The following GRPEL2 variants were observed in gnomAD, a reference collection of about 807,000 sequenced individuals.
The protein encoded by GRPEL2 is GrpE like 2, mitochondrial.
A neutral mutation model predicts 25.9 loss-of-function variants in GRPEL2; 18 were observed. The ratio of observed to expected loss-of-function variants is 0.70; its 90% CI spans 0.48 to 1.03. The LOEUF is 1.03. GRPEL2 is among the 50% of genes least tolerant of loss of function. The pLI is 0.00. For missense variants in GRPEL2, 247 were observed against 276.2 expected (o/e 0.89, Z 0.75); for synonymous variants, 106 against 107.9 (o/e 0.98, Z 0.11).
At chr5:149,345,637 G>C in intron 1 of GRPEL2, 21 bp downstream of exon 1, 1 of 1,587,430 alleles carries the variant, frequency 6.3e-7, no homozygotes, top group Non-Finnish European at 8.6e-7. Flanking sequence ...CAGGCGGGGA[G>C]TCGGGAGCGT....
Position 149,345,584 on chromosome 5 carries a change from C to T in GRPEL2, c.45C>T (p.Arg15=), listed in dbSNP as rs1208644371. The part of the protein sequence containing the change: ...SLWAGRLRVQ[R]LLAWSAAWES... Reference sequence around the variant, plus strand: ...GGGCGGGCCGGCTGCGGGTGCAGCGCCTACTGGCCTGGAGTGCCGCGTGGG... The same window carrying T: ...GGGCGGGCCGGCTGCGGGTGCAGCGTCTACTGGCCTGGAGTGCCGCGTGGG... Residue 15 remains arginine (R), a synonymous_variant, in exon 1 of 4, where the codon CGC becomes CGT. Transcript: ENST00000329271. The T allele has an allele frequency of 1.2e-6, 2 of 1,611,676 alleles. No individual in the cohort carries two copies. Among genetic ancestry groups the T allele is most frequent in the African/African-American group, 1.3e-5 (1 of 74,922 alleles).
intron 3 of GRPEL2, chr5:149,349,967 C>T (rs1326758943): frequency 5.5e-6 from 3 of 548,894 alleles, no homozygotes; most frequent in Non-Finnish European, 9.6e-6. Flanking sequence ...TCACTTGAAC[C>T]CAGGAGGCAG....
intron 1 of GRPEL2, among the ~76,000 whole-genome samples, chr5:149,347,217 A>T (rs1223385854): frequency 6.6e-6 from 1 of 152,182 alleles, no homozygotes; most frequent in African/African-American, 2.4e-5. Context: ...AGTAGGAGAG[A>T]TAAAAGTCCT....
intron 1 of GRPEL2, chr5:149,345,873 T>C (rs1757680461): frequency 3.7e-6 from 2 of 538,840 alleles, no homozygotes; most frequent in Admixed American, 6.9e-5. Flanking sequence ...AGAAGTCTCT[T>C]AAGCCCCCAA....
At chr5:149,349,608 T>G in intron 2 of GRPEL2, 46 bp from the exon 3 acceptor site, 1 of 1,308,902 alleles carries the variant, frequency 7.6e-7, no homozygotes, top group Non-Finnish European at 1.1e-6. Context: ...CTTCCACCAA[T>G]AAGTATTTGT....
chr5:149,346,715 A>ATTTTTTTTTTTTTTTTTTTT, intron 1 of GRPEL2, among the ~76,000 whole-genome samples: 1 of 59,272 alleles, frequency 1.7e-5, no homozygotes, highest in Non-Finnish European at 2.9e-5. Context: ...GGCCCTGAGA[A>ATTTTTTTTTTTTTTTTTTTT]TTTTTTTTTT....
At chr5:149,349,591 A>G in intron 2 of GRPEL2, 63 bp from the exon 3 acceptor site, 1 of 1,203,852 alleles carries the variant, frequency 8.3e-7, no homozygotes, top group South Asian at 1.4e-5. Context: ...GTAAGCAAAA[A>G]CATTCTCTTC....
rs920222800 is a variant in GRPEL2 at position 149,353,480 on chromosome 5, G to A, written c.*2198G>A. ...ACCTAAAGAGATGTCTCTACCTAAT[G>A]AGCTCAAGTGATCCTCCCACCTCAG... On this transcript the variant is annotated 3_prime_UTR_variant, in exon 4 of 4. Coordinates refer to ENST00000329271, the MANE Select transcript of GRPEL2 (RefSeq NM_152407.4). 6.6e-6 allele frequency: 1 copy of A among 152,036 alleles called. No individual in the cohort carries two copies. Among genetic ancestry groups the A allele is most frequent in the Non-Finnish European group, 1.5e-5 (1 of 68,012 alleles). 9.4% of individuals were successfully genotyped at this position (152,036 alleles called of 1,614,324 possible). A position where few individuals can be genotyped will look rare whatever the true frequency, so the allele number is the denominator to read the frequency against.
At position 149,348,375 on chromosome 5, in the gene GRPEL2, G is replaced by A. The variant is rs143291336; in HGVS notation, c.181G>A (p.Ala61Thr). ...GCTTGGGCCCCCTCTTGCTGAACGA[G>A]CCTTAAGGGTAAAAGCTGTTAAACT... The part of the protein sequence containing the change: ...DELGPPLAER[A>T]LRVKAVKLEK... The change falls in exon 2 of 4, where the codon GCC becomes ACC. Residue 61 changes from alanine (A) to threonine (T), a missense_variant. Transcript: ENST00000329271. 1.7e-5 allele frequency: 28 copies of A among 1,613,558 alleles called. No homozygotes were observed. Among genetic ancestry groups the A allele is most frequent in the Middle Eastern group, 1.7e-4 (1 of 5,834 alleles).
rs772982005 is a variant in GRPEL2 at position 149,348,364 on chromosome 5, T to C, written c.170T>C (p.Leu57Pro). The C allele has an allele frequency of 3.0e-5, 48 of 1,613,526 alleles. No individual in the cohort carries two copies. In the Admixed American group the frequency reaches 3.5e-4, roughly 12 times the overall value. The change falls in exon 2 of 4, where the codon CTT becomes CCT. Residue 57 changes from leucine (L) to proline (P), a missense_variant. By Grantham distance (98) the Leu-to-Pro change is moderately conservative. Coordinates refer to ENST00000329271, the MANE Select transcript of GRPEL2 (RefSeq NM_152407.4). ...EDPPDELGPP[L>P]AERALRVKAV... is the part of the protein sequence containing the mutation. Reference sequence around the variant, plus strand: ...CCTCCTGATGAGCTTGGGCCCCCTCTTGCTGAACGAGCCTTAAGGGTAAAA... The same window carrying C: ...CCTCCTGATGAGCTTGGGCCCCCTCCTGCTGAACGAGCCTTAAGGGTAAAA...
At position 149,354,163 on chromosome 5, in the gene GRPEL2, A is replaced by G. The variant is rs1218901665; in HGVS notation, c.*2881A>G. On this transcript the variant is annotated 3_prime_UTR_variant, in exon 4 of 4. Coordinates refer to ENST00000329271, the MANE Select transcript of GRPEL2 (RefSeq NM_152407.4). ...ATTTTCCTTCCATTTTCTGGTTTTT[A>G]AAATTAGCCACACCACAGGAAACCC... is the stretch of plus-strand genomic sequence containing the variant. 2 of 152,210 alleles carry G rather than the reference A, an allele frequency of 1.3e-5. No homozygotes were observed. The highest frequency in any genetic ancestry group is 2.9e-5 in the Non-Finnish European group (2 of 68,038). The allele number at this position is 152,210 out of a possible 1,614,324, so 9.4% of individuals were successfully genotyped here.
Position 149,349,721 on chromosome 5 carries a change from A to T in GRPEL2, c.299A>T (p.Asp100Val). The change falls in exon 3 of 4, where the codon GAC (aspartate) becomes GTC (valine). Residue 100 changes from aspartate to valine, a missense_variant. Coordinates refer to ENST00000329271, the MANE Select transcript of GRPEL2 (RefSeq NM_152407.4). Reference sequence around the variant, plus strand: ...AGGCGAACCCAGAGATGTGTGGAAGACGCCAAGATATTTGGTGAGAGATTT... The same window carrying T: ...AGGCGAACCCAGAGATGTGTGGAAGTCGCCAAGATATTTGGTGAGAGATTT... ...IRRRTQRCVEDAKIFGIQSFC... is the reference protein window; with the variant it reads ...IRRRTQRCVEVAKIFGIQSFC... The T allele has an allele frequency of 6.2e-7, 1 of 1,612,932 alleles. No individual in the cohort carries two copies.
At position 149,351,144 on chromosome 5, in the gene GRPEL2, C is replaced by T. The variant is rs1561695511; in HGVS notation, c.540C>T (p.Leu180=). 1.2e-6 allele frequency: 2 copies of T among 1,614,196 alleles called. No homozygotes were observed. The highest frequency in any genetic ancestry group is 2.2e-5 in the East Asian group (1 of 44,882). The change falls in exon 4 of 4, where the codon CTC becomes CTT. Residue 180 remains leucine, a synonymous_variant. Transcript: ENST00000329271. ...AATATGACCCCCATGAGCATGAACT[C>T]ATCTGTCATGTGCCAGCTGGTGTTG... The part of the protein sequence containing the change: ...GDKYDPHEHE[L]ICHVPAGVGV...
chr5:149,346,375 A>G (rs546227272), intron 1 of GRPEL2, among the ~76,000 whole-genome samples: 32 of 152,254 alleles, frequency 2.1e-4, no homozygotes, highest in African/African-American at 6.7e-4. Context: ...GTAGGGTTGG[A>G]CCTCTGAATA....
chr5:149,347,338 C>G (rs1402452648), intron 1 of GRPEL2, among the ~76,000 whole-genome samples: 1 of 152,184 alleles, frequency 6.6e-6, no homozygotes, highest in Non-Finnish European at 1.5e-5. Flanking sequence ...TCCGTGAGGA[C>G]CACTCTACAG....
chr5:149,346,476 T>TA (rs1757691075), intron 1 of GRPEL2, among the ~76,000 whole-genome samples: 2 of 152,278 alleles, frequency 1.3e-5, no homozygotes, highest in African/African-American at 4.8e-5. Flanking sequence ...CATCCTACCC[T>TA]AGCACCTAAG....
chr5:149,345,667 C>T, intron 1 of GRPEL2, 51 bp downstream of exon 1: 1 of 1,470,266 alleles, frequency 6.8e-7, no homozygotes, highest in Non-Finnish European at 9.3e-7. Context: ...GAGGGGCTAG[C>T]GAGCCAGCCG....
At chr5:149,345,758 TCA>T (rs1757678508) in intron 1 of GRPEL2, 142 bp downstream of exon 1, 4 of 663,440 alleles carry the variant, frequency 6.0e-6, no homozygotes, top group South Asian at 1.9e-5. Flanking sequence ...GACCGTGCAC[TCA>T]CGGCCCCATT....
chr5:149,348,550 C>A, intron 2 of GRPEL2, 125 bp downstream of exon 2: 1 of 717,124 alleles, frequency 1.4e-6, no homozygotes, highest in Non-Finnish European at 2.2e-6. Context: ...ACCCCTCATC[C>A]CTCCTCCACT....
Sources: allele counts gnomAD v4.1 joint callset (sites outside exome capture counted in the v4.1 genomes callset), GRCh38; gene constraint gnomAD v4.1.1; transcripts MANE v1.5; gene names NCBI Gene and HGNC (gene_info 2026-07-23, HGNC 2026-07-21).